SCNN1A: variants seen among roughly 807,000 people sequenced by gnomAD.
SCNN1A encodes epithelial sodium channel subunit alpha.
SCNN1A carries 65 observed loss-of-function variants against 68.6 expected under a neutral mutation model. The ratio of observed to expected loss-of-function variants is 0.95; its 90% CI spans 0.78 to 1.16. The LOEUF (loss-of-function observed/expected upper bound fraction) is 1.16, where lower values mean the gene tolerates loss of function less well. Among genes scored for constraint, SCNN1A ranks in the 50% most tolerant of loss-of-function variants. The pLI is 0.00. For synonymous variants in SCNN1A, 357 were observed against 353.3 expected (o/e 1.01, Z -0.12); for missense variants, 880 against 865.9 (o/e 1.02, Z -0.20).
Position 6,374,624 on chromosome 12 carries a change from A to C in SCNN1A, c.160T>G (p.Ser54Ala). The C allele has an allele frequency of 6.2e-7, 1 of 1,613,490 alleles. No homozygotes were observed. Residue 54 changes from serine to alanine, a missense_variant, in exon 2 of 13, where the codon TCC becomes GCC. Transcript: ENST00000228916. The surrounding 1 kb of genome is among the most constrained non-coding windows in gnomAD (Gnocchi z 6.2). ...EEEALIEFHR[S>A]YRELFEFFCN... Reference sequence around the variant, plus strand: ...AAGAACTCGAAGAGCTCTCGGTAGGAGCGGTGGAACTCGATCAGGGCCTCC... The same window carrying C: ...AAGAACTCGAAGAGCTCTCGGTAGGCGCGGTGGAACTCGATCAGGGCCTCC...
chr12:6,362,320 T>C, intron 3 of SCNN1A, 79 bp from the exon 4 acceptor site: 3 of 1,255,380 alleles, frequency 2.4e-6, no homozygotes, highest in Non-Finnish European at 3.5e-6. Flanking sequence ...AAAGAATGAG[T>C]GATCTGGGGT....
chr12:6,369,365 G>C (rs73261495), intron 2 of SCNN1A, among the ~76,000 whole-genome samples: 1 of 117,314 alleles, frequency 8.5e-6, no homozygotes, highest in African/African-American at 3.1e-5. Flanking sequence ...CACCCTACGC[G>C]CCTCCCTCCT....
chr12:6,363,993 C>T, intron 2 of SCNN1A: 1 of 316,570 alleles, frequency 3.2e-6, no homozygotes, highest in Non-Finnish European at 5.8e-6. Context: ...GCGCTCTCCC[C>T]CTCGCCCGGA....
chr12:6,355,647 C>G, intron 5 of SCNN1A, 130 bp downstream of exon 5: 1 of 906,242 alleles, frequency 1.1e-6, no homozygotes, highest in Non-Finnish European at 1.9e-6. Context: ...CTGGAACGGA[C>G]TATGTGGCAC....
chr12:6,374,535 C>T lies in SCNN1A; in HGVS notation c.249G>A (p.Lys83=), dbSNP rs371611492. The T allele has an allele frequency of 5.6e-6, 9 of 1,614,212 alleles. No individual in the cohort carries two copies. The highest frequency in any genetic ancestry group is 3.3e-4 in the Middle Eastern group (2 of 6,062). ...RLVCSQHNRM[K]TAFWAVLWLC... is the part of the protein sequence containing the mutation. Reference sequence around the variant, plus strand: ...GCCACAGCACTGCCCAGAAGGCCGTCTTCATGCGGTTGTGCTGGGAGCACA... The same window carrying T: ...GCCACAGCACTGCCCAGAAGGCCGTTTTCATGCGGTTGTGCTGGGAGCACA... Residue 83 remains lysine, a synonymous_variant, in exon 2 of 13, where the codon AAG becomes AAA. Coordinates refer to ENST00000228916, the MANE Select transcript of SCNN1A (RefSeq NM_001038.6). This position sits in a 1 kb window ranked among gnomAD's most constrained non-coding sequence, Gnocchi z 6.2.
intron 2 of SCNN1A, among the ~76,000 whole-genome samples, chr12:6,367,495 C>T (rs1948700376): frequency 6.6e-6 from 1 of 152,148 alleles, no homozygotes; most frequent in Non-Finnish European, 1.5e-5. Context: ...ATTCCAGAAA[C>T]ATTAAGCAAA....
At chr12:6,365,208 G>T (rs914602276) in intron 2 of SCNN1A, among the ~76,000 whole-genome samples, 21 of 152,066 alleles carry the variant, frequency 1.4e-4, no homozygotes, top group African/African-American at 4.8e-4. Flanking sequence ...TGTAGAGAGG[G>T]GGTTTCACCA....
chr12:6,357,763 C>T (rs528167686), intron 4 of SCNN1A, among the ~76,000 whole-genome samples: 5 of 152,080 alleles, frequency 3.3e-5, no homozygotes, highest in East Asian at 3.9e-4. Context: ...TTTGGGAGGC[C>T]GAGGCGGGTG....
chr12:6,354,962 C>A, intron 6 of SCNN1A, 114 bp from the exon 7 acceptor site: 5 of 917,814 alleles, frequency 5.4e-6, no homozygotes, highest in Non-Finnish European at 8.9e-6. Flanking sequence ...CTACTGGCCT[C>A]GCCCTCTCAA....
At chr12:6,354,344 GA>G in intron 8 of SCNN1A, 93 bp downstream of exon 8, 1 of 827,306 alleles carries the variant, frequency 1.2e-6, no homozygotes. Flanking sequence ...GTGGGAGCCA[GA>G]AGTCATCCCC....
chr12:6,361,182 T>C (rs1047911926), intron 4 of SCNN1A, among the ~76,000 whole-genome samples: 3 of 152,270 alleles, frequency 2.0e-5, no homozygotes, highest in Non-Finnish European at 4.4e-5. Flanking sequence ...AACTATTTGT[T>C]GAACGAACAC....
Position 6,347,800 on chromosome 12 carries a change from T to C in SCNN1A, c.*73A>G. 7.4e-7 allele frequency: 1 copy of C among 1,344,460 alleles called. No homozygotes were observed. The highest frequency in any genetic ancestry group is 1.0e-6 in the Non-Finnish European group (1 of 953,768). The allele number at this position is 1,344,460 out of a possible 1,614,324, so 83.3% of individuals were successfully genotyped here. ...TCTGAGAGGAAGCCCTGCACATCCTTCAATCTTGCCAGGGCCAGCACCCTC... is the reference window on the plus strand; with the variant it reads ...TCTGAGAGGAAGCCCTGCACATCCTCCAATCTTGCCAGGGCCAGCACCCTC... On this transcript the variant is annotated 3_prime_UTR_variant, in exon 13 of 13. Coordinates refer to ENST00000228916, the MANE Select transcript of SCNN1A (RefSeq NM_001038.6).
intron 2 of SCNN1A, among the ~76,000 whole-genome samples, chr12:6,368,095 C>A (rs750418286): frequency 1.2e-4 from 18 of 152,260 alleles, no homozygotes; most frequent in Middle Eastern, 3.4e-3. Context: ...TTATTATGAG[C>A]CAGGCACTGT....
In SCNN1A at chr12:6,363,563, C is replaced by T; in HGVS notation, c.564G>A (p.Leu188=). ...GCGGGGGCGGGACCCTCAGGCGCTG[C>T]AAGGGGTGCGGCAGAGTCCCCCGCA... is the stretch of plus-strand genomic sequence containing the variant. ...RDLRGTLPHP[L]QRLRVPPPPH... The change falls in exon 3 of 13, where the codon TTG becomes TTA. Residue 188 remains leucine, a synonymous_variant. Transcript: ENST00000228916. 2.5e-6 allele frequency: 4 copies of T among 1,611,242 alleles called. No individual in the cohort carries two copies. The highest frequency in any genetic ancestry group is 2.5e-6 in the Non-Finnish European group (3 of 1,178,888).
chr12:6,366,897 G>A (rs920814815), intron 2 of SCNN1A, among the ~76,000 whole-genome samples: 1 of 152,064 alleles, frequency 6.6e-6, no homozygotes, highest in African/African-American at 2.4e-5. Context: ...GTGTGTTGAA[G>A]GTGTGTGTTT....
At chr12:6,376,214 C>T, upstream of SCNN1A, 1 of 983,664 alleles carries the variant, frequency 1.0e-6, no homozygotes, top group Non-Finnish European at 1.2e-6. Flanking sequence ...ATGCGTCTGC[C>T]TCCTCCTGGT....
intron 2 of SCNN1A, among the ~76,000 whole-genome samples, chr12:6,369,190 T>C (rs2136899278): frequency 6.6e-6 from 1 of 151,964 alleles, no homozygotes; most frequent in South Asian, 2.1e-4. Flanking sequence ...TGGTTGTCAC[T>C]TCTCTGGCCA....
intron 2 of SCNN1A, among the ~76,000 whole-genome samples, chr12:6,365,824 C>A (rs1948665892): frequency 6.6e-6 from 1 of 152,154 alleles, no homozygotes; most frequent in Non-Finnish European, 1.5e-5. Flanking sequence ...AACAAATAAT[C>A]CCTAGAACAA....
In SCNN1A at chr12:6,355,427, G is replaced by C; in HGVS notation, c.988C>G (p.Leu330Val). ...TCATTCTGCTCTGCGCGCAGCATCAGGGACAGACCTAGGGGTGCAGAGAGA... is the reference window on the plus strand; with the variant it reads ...TCATTCTGCTCTGCGCGCAGCATCACGGACAGACCTAGGGGTGCAGAGAGA... Reference protein sequence around the residue: ...SMPGINNGLSLMLRAEQNDFI... With the variant: ...SMPGINNGLSVMLRAEQNDFI... The change falls in exon 6 of 13, where the codon CTG becomes GTG. Residue 330 changes from leucine to valine, a missense_variant. Transcript: ENST00000228916. 6.2e-7 allele frequency: 1 copy of C among 1,613,908 alleles called. No homozygotes were observed. Among genetic ancestry groups the C allele is most frequent in the Non-Finnish European group, 8.5e-7 (1 of 1,179,976 alleles).
Sources: gnomAD v4.1 joint callset for allele counts (sites outside exome capture counted in the v4.1 genomes callset) on GRCh38, gnomAD v4.1.1 for gene constraint, Gnocchi (gnomAD v3.1) non-coding constraint, MANE v1.5 for transcripts, NCBI Gene and HGNC (gene_info 2026-07-23, HGNC 2026-07-21) for gene names.